Variants in SHLD1 observed in about 807,000 individuals in gnomAD.
SHLD1 encodes the protein RINN1-REV7-interacting novel NHEJ regulator 3.
In SHLD1, 3 loss-of-function variants were observed where a neutral mutation model predicts 5.5. The observed-to-expected ratio is 0.54, with a 90% CI of 0.25 to 1.40. The LOEUF (loss-of-function observed/expected upper bound fraction) is 1.40. Among genes scored for constraint, SHLD1 ranks in the 40% most tolerant of loss-of-function variants. The pLI, the probability that SHLD1 is intolerant of heterozygous loss-of-function variation, is 0.15. For missense variants in SHLD1, 210 were observed against 244.4 expected (o/e 0.86, Z 0.94); for synonymous variants, 92 against 94.3 (o/e 0.98, Z 0.14).
chr20:5,804,360 T>C (rs1464297172), intron 2 of SHLD1, among the ~76,000 whole-genome samples: 4 of 150,090 alleles, frequency 2.7e-5, no homozygotes, highest in African/African-American at 9.9e-5. Context: ...ACTATATATA[T>C]ATATACAGTT....
intron 2 of SHLD1, among the ~76,000 whole-genome samples, chr20:5,777,057 C>T (rs1315622958): frequency 2.6e-5 from 4 of 151,990 alleles, no homozygotes; most frequent in Admixed American, 2.0e-4. Flanking sequence ...GGCACAATCT[C>T]GGCTCACTGC....
chr20:5,772,944 A>G lies in SHLD1; in HGVS notation c.79A>G (p.Arg27Gly). 6.2e-7 allele frequency: 1 copy of G among 1,614,178 alleles called. No individual in the cohort carries two copies. The highest frequency in any genetic ancestry group is 1.1e-5 in the South Asian group (1 of 91,084). ...GGACCTGCCATCAGCGTGTGACATAAGAGATTACGTCCTGCAGGGACCCAG... is the reference window on the plus strand; with the variant it reads ...GGACCTGCCATCAGCGTGTGACATAGGAGATTACGTCCTGCAGGGACCCAG... ...ALDLPSACDI[R>G]DYVLQGPSQE... Residue 27 changes from arginine to glycine, a missense_variant, in exon 2 of 3, where the codon AGA becomes GGA. Coordinates refer to ENST00000303142, the MANE Select transcript of SHLD1 (RefSeq NM_152504.4).
intron 1 of SHLD1, among the ~76,000 whole-genome samples, chr20:5,755,834 C>T (rs1984060571): frequency 6.6e-6 from 1 of 152,170 alleles, no homozygotes. Context: ...GCTGGGATTA[C>T]AGGCATGGGC....
intron 1 of SHLD1, among the ~76,000 whole-genome samples, chr20:5,753,493 C>G (rs188442063): frequency 6.8e-4 from 103 of 152,168 alleles, no homozygotes; most frequent in African/African-American, 2.5e-3. Flanking sequence ...AAAAAGCAGC[C>G]CCAAATCATT....
chr20:5,772,841 G>A (rs547576479), intron 1 of SHLD1, 21 bp from the exon 2 acceptor site: 1 of 1,596,334 alleles, frequency 6.3e-7, no homozygotes, highest in South Asian at 1.1e-5. Context: ...GTACTGAATT[G>A]TTTTCTTTTT....
chr20:5,771,448 T>A (rs763213785), intron 1 of SHLD1, among the ~76,000 whole-genome samples: 2 of 152,206 alleles, frequency 1.3e-5, no homozygotes, highest in Non-Finnish European at 2.9e-5. Context: ...GTAAATGGCT[T>A]GGTGTCACTT....
At chr20:5,771,502 T>C (rs73594817) in intron 1 of SHLD1, among the ~76,000 whole-genome samples, 2,207 of 152,024 alleles carry the variant, frequency 0.015, 39 homozygotes, top group African/African-American at 0.051. Context: ...GGTTCTGTGC[T>C]TTCTGGTACA....
In SHLD1 at chr20:5,751,231, A is replaced by G. The variant is rs1469128181; in HGVS notation, c.-5+752A>G. Among the ~76,000 whole-genome samples, 3 of 152,136 alleles carry G rather than the reference A, an allele frequency of 2.0e-5. No homozygotes were observed. The East Asian group carries it at 5.8e-4, about 29-fold the overall frequency. Reference sequence around the variant, plus strand: ...AATTCGCACGTTTGATATAAATGAAATCATACAGTGCAGCTGGCTTCTTTC... The same window carrying G: ...AATTCGCACGTTTGATATAAATGAAGTCATACAGTGCAGCTGGCTTCTTTC... On this transcript the variant is annotated intron_variant, in intron 1 of 2. Coordinates refer to ENST00000303142, the MANE Select transcript of SHLD1 (RefSeq NM_152504.4).
At chr20:5,831,764 C>T (rs878900860) in intron 2 of SHLD1, among the ~76,000 whole-genome samples, 1 of 152,032 alleles carries the variant, frequency 6.6e-6, no homozygotes, top group Admixed American at 6.6e-5. Context: ...TTCTTGTTTA[C>T]ATGTTCATTG....
chr20:5,752,575 T>C (rs182476402), intron 1 of SHLD1, among the ~76,000 whole-genome samples: 84 of 151,534 alleles, frequency 5.5e-4, no homozygotes, highest in African/African-American at 2.0e-3. Flanking sequence ...TGTAGCTTTG[T>C]AGGGCCATTT....
Position 5,772,989 on chromosome 20 carries a change from G to C in SHLD1, c.124G>C (p.Ala42Pro). 6 of 1,614,206 alleles carry C rather than the reference G, an allele frequency of 3.7e-6. No homozygotes were observed. The highest frequency in any genetic ancestry group is 5.1e-6 in the Non-Finnish European group (6 of 1,180,036). The change falls in exon 2 of 3, where the codon GCT becomes CCT. Residue 42 changes from alanine to proline, a missense_variant. Coordinates refer to ENST00000303142, the MANE Select transcript of SHLD1 (RefSeq NM_152504.4). The stretch of plus-strand genomic sequence containing the variant: ...ACCCAGCCAAGAAGCCAACAGCGAG[G>C]CTTTCAGTTCTTTGGAATTCCATTC... ...QGPSQEANSE[A>P]FSSLEFHSFP...
intron 2 of SHLD1, among the ~76,000 whole-genome samples, chr20:5,832,254 A>G (rs237083): frequency 6.6e-6 from 1 of 151,970 alleles, no homozygotes. Context: ...CTTCATTTCT[A>G]GAGAATAATG....
At chr20:5,830,919 C>T (rs1267228151) in intron 2 of SHLD1, among the ~76,000 whole-genome samples, 2 of 151,856 alleles carry the variant, frequency 1.3e-5, no homozygotes, top group East Asian at 1.9e-4. Context: ...CTCTTATTAC[C>T]GCTTAAATTT....
intron 2 of SHLD1, among the ~76,000 whole-genome samples, chr20:5,812,675 G>C (rs751672753): frequency 6.6e-6 from 1 of 152,066 alleles, no homozygotes; most frequent in African/African-American, 2.4e-5. Flanking sequence ...GTTCTTTTCT[G>C]TTTCTCCGTA....
rs181396770 is a variant in SHLD1, at chr20:5,799,810, T to C, written c.178+26767T>C. 2.5e-3 allele frequency among the ~76,000 whole-genome samples: 378 copies of C among 152,244 alleles called. 3 individuals carry two copies. The highest frequency in any genetic ancestry group is 8.3e-3 in the African/African-American group (346 of 41,554). On this transcript the variant is annotated intron_variant, in intron 2 of 2. Transcript: ENST00000303142. Reference sequence around the variant, plus strand: ...CTCAAGATTCATACCCTAGAAGTAATTCTGGAAAAGGTGGTAAGATATCAT... The same window carrying C: ...CTCAAGATTCATACCCTAGAAGTAACTCTGGAAAAGGTGGTAAGATATCAT...
chr20:5,761,106 G>C (rs1202807095), intron 1 of SHLD1, among the ~76,000 whole-genome samples: 1 of 152,092 alleles, frequency 6.6e-6, no homozygotes, highest in Non-Finnish European at 1.5e-5. Flanking sequence ...GTCCTTTGCA[G>C]GGACATGGAT....
intron 2 of SHLD1, among the ~76,000 whole-genome samples, chr20:5,789,717 C>T (rs182495081): frequency 9.0e-4 from 137 of 152,116 alleles, no homozygotes; most frequent in African/African-American, 3.1e-3. Flanking sequence ...CAAGAGGCAA[C>T]CAAAGGAGAA....
At chr20:5,809,940 A>T (rs1293895482) in intron 2 of SHLD1, among the ~76,000 whole-genome samples, 1 of 151,994 alleles carries the variant, frequency 6.6e-6, no homozygotes, top group Non-Finnish European at 1.5e-5. Context: ...TATCTAGTTT[A>T]TCACATACTA....
chr20:5,782,594 G>T (rs1447514579), intron 2 of SHLD1, among the ~76,000 whole-genome samples: 1 of 152,170 alleles, frequency 6.6e-6, no homozygotes, highest in Non-Finnish European at 1.5e-5. Flanking sequence ...AGTCTTTGAT[G>T]ATTAAAGGCC....
Sources: gnomAD v4.1 joint callset for allele counts (sites outside exome capture counted in the v4.1 genomes callset) on GRCh38, gnomAD v4.1.1 for gene constraint, MANE v1.5 for transcripts, NCBI Gene and HGNC (gene_info 2026-07-23, HGNC 2026-07-21) for gene names.